DNAAF9: variants seen among roughly 807,000 people sequenced by gnomAD.
DNAAF9 encodes dynein axonemal assembly factor 9.
DNAAF9 carries 90 observed loss-of-function variants against 167.0 expected under a neutral mutation model. That is an observed-to-expected ratio of 0.54 (90% CI 0.45 to 0.64). The LOEUF is 0.64. DNAAF9 is among the 30% of genes least tolerant of loss of function. The pLI, the probability that DNAAF9 is intolerant of heterozygous loss-of-function variation, is 0.00. For missense variants in DNAAF9, 1,315 were observed against 1,442.2 expected (o/e 0.91, Z 1.43); for synonymous variants, 491 against 508.8 (o/e 0.96, Z 0.47).
chr20:3,335,052 T>A lies in DNAAF9; in HGVS notation c.982-2691A>T, dbSNP rs117571718. On this transcript the variant is annotated intron_variant, in intron 10 of 36. Transcript: ENST00000252032. ...AGTGATACAGACCTGAGAGCAGAAA[T>A]TGCTTTTATAATACAATCTATAATG... Among the ~76,000 whole-genome samples the A allele has an allele frequency of 2.6e-3, 397 of 152,358 alleles. 4 individuals carry two copies. The highest frequency in any genetic ancestry group is 0.018 in the East Asian group (91 of 5,192).
chr20:3,280,216 C>A (rs2122855527), intron 28 of DNAAF9, among the ~76,000 whole-genome samples: 1 of 152,298 alleles, frequency 6.6e-6, no homozygotes, highest in Admixed American at 6.5e-5. Flanking sequence ...TCACTGACTT[C>A]ACTGTGCTCA....
chr20:3,387,884 T>TAAAAAAAGAAAAAAAAAAAAAA, intron 1 of DNAAF9, among the ~76,000 whole-genome samples: 1 of 87,362 alleles, frequency 1.1e-5, no homozygotes, highest in Non-Finnish European at 2.1e-5. Context: ...CTACAAAAAG[T>TAAAAAAAGAAAAAAAAAAAAAA]AAAAAAAAAA....
chr20:3,300,092 A>G (rs2069157249), intron 21 of DNAAF9, among the ~76,000 whole-genome samples: 1 of 152,032 alleles, frequency 6.6e-6, no homozygotes, highest in Non-Finnish European at 1.5e-5. Flanking sequence ...TAGTAGAAAC[A>G]GGGTTTCACC....
At chr20:3,273,608 G>A (rs1029905367) in intron 29 of DNAAF9, among the ~76,000 whole-genome samples, 1 of 151,710 alleles carries the variant, frequency 6.6e-6, no homozygotes, top group Non-Finnish European at 1.5e-5. Flanking sequence ...GAACTCAAGA[G>A]TAAGAACTCA....
At chr20:3,357,255 T>G (rs961203118) in intron 7 of DNAAF9, among the ~76,000 whole-genome samples, 2 of 152,158 alleles carry the variant, frequency 1.3e-5, no homozygotes, top group Non-Finnish European at 2.9e-5. Context: ...GCGGACCACT[T>G]AAGGTCAGGA....
intron 12 of DNAAF9, among the ~76,000 whole-genome samples, chr20:3,328,869 C>CTTTTT: frequency 7.3e-6 from 1 of 136,828 alleles, no homozygotes; most frequent in South Asian, 2.3e-4. Context: ...CACAATTTTC[C>CTTTTT]TTTTTTTTTT....
At chr20:3,303,197 G>A (rs546059516) in intron 21 of DNAAF9, among the ~76,000 whole-genome samples, 2 of 149,770 alleles carry the variant, frequency 1.3e-5, no homozygotes, top group East Asian at 2.0e-4. Context: ...AGTCGAGATC[G>A]CACCACTGCA....
intron 6 of DNAAF9, among the ~76,000 whole-genome samples, chr20:3,360,915 G>C (rs1260411912): frequency 6.6e-6 from 1 of 152,198 alleles, no homozygotes; most frequent in African/African-American, 2.4e-5. Flanking sequence ...GAGCTGGCAG[G>C]TCTGAGTAAC....
chr20:3,325,240 G>GA (rs1424204490), intron 13 of DNAAF9, among the ~76,000 whole-genome samples: 1 of 152,228 alleles, frequency 6.6e-6, no homozygotes, highest in African/African-American at 2.4e-5. Context: ...TGGATCCAGA[G>GA]AAGTGACCAG....
chr20:3,317,597 T>C lies in DNAAF9; in HGVS notation c.1468+692A>G, dbSNP rs1025764676. Among the ~76,000 whole-genome samples, 3 of 152,152 alleles carry C rather than the reference T, an allele frequency of 2.0e-5. No homozygotes were observed. The South Asian group carries it at 6.2e-4, about 32-fold the overall frequency. ...TAAAAAAATAATATCTAATTACTGTTTCAAATTGCTTTTTTTTGAGACAGA... is the reference window on the plus strand; with the variant it reads ...TAAAAAAATAATATCTAATTACTGTCTCAAATTGCTTTTTTTTGAGACAGA... On this transcript the variant is annotated intron_variant, in intron 17 of 36. Transcript: ENST00000252032.
In DNAAF9 at chr20:3,252,320, C is replaced by T. The variant is rs566754557; in HGVS notation, c.*252G>A. The T allele has an allele frequency of 2.6e-4, 94 of 357,142 alleles. No individual in the cohort carries two copies. Among genetic ancestry groups the T allele is most frequent in the Non-Finnish European group, 4.5e-4 (87 of 193,362 alleles). 22.1% of individuals were successfully genotyped at this position (357,142 alleles called of 1,614,324 possible). On this transcript the variant is annotated 3_prime_UTR_variant, in exon 37 of 37. Coordinates refer to ENST00000252032, the MANE Select transcript of DNAAF9 (RefSeq NM_001009984.3). ...CCCAGAGCTCCTGGACTGCCAGTTG[C>T]ACACGTAGACGGGCAGGCCCCATCT...
Position 3,332,308 on chromosome 20 carries a change from A to T in DNAAF9, c.1035T>A (p.Phe345Leu). 1 of 1,605,342 alleles carries T rather than the reference A, an allele frequency of 6.2e-7. No individual in the cohort carries two copies. The highest frequency in any genetic ancestry group is 8.5e-7 in the Non-Finnish European group (1 of 1,172,140). ...AGTAAGGAACATGAGTAGCTCCAAA[A>T]AAGTATGTTCTCGAACAAGCAAGAG... Reference protein sequence around the residue: ...KGPLACSRTYFFGATHVPYLG... With the variant: ...KGPLACSRTYLFGATHVPYLG... The change falls in exon 11 of 37, where the codon TTT becomes TTA. Residue 345 changes from phenylalanine (F) to leucine (L), a missense_variant. Around this residue, in one of 2 missense-constraint regions of DNAAF9, gnomAD observed 981 missense variants for 1,012.5 expected, o/e 0.97. Transcript: ENST00000252032.
intron 1 of DNAAF9, among the ~76,000 whole-genome samples, chr20:3,405,047 C>T (rs1382120158): frequency 2.0e-5 from 3 of 152,154 alleles, no homozygotes; most frequent in African/African-American, 4.8e-5. Flanking sequence ...GAAATTTGTA[C>T]CATGAAAGGC....
At chr20:3,360,441 C>T (rs2083346167) in intron 6 of DNAAF9, among the ~76,000 whole-genome samples, 1 of 152,130 alleles carries the variant, frequency 6.6e-6, no homozygotes, top group African/African-American at 2.4e-5. Context: ...ACATACATAT[C>T]CTAACATCAT....
At chr20:3,377,851 C>G (rs1270276464) in intron 3 of DNAAF9, among the ~76,000 whole-genome samples, 2 of 152,190 alleles carry the variant, frequency 1.3e-5, no homozygotes, top group African/African-American at 4.8e-5. Flanking sequence ...CACTTCCTAT[C>G]CTGGCTTGAA....
chr20:3,400,453 T>C (rs1166126395), intron 1 of DNAAF9, among the ~76,000 whole-genome samples: 5 of 144,600 alleles, frequency 3.5e-5, no homozygotes, highest in African/African-American at 1.1e-4. Context: ...GGAAGCTGCG[T>C]GAAGAGTATA....
chr20:3,264,989 C>T (rs1222224104), intron 30 of DNAAF9, among the ~76,000 whole-genome samples: 1 of 152,160 alleles, frequency 6.6e-6, no homozygotes, highest in African/African-American at 2.4e-5. Flanking sequence ...TATTTTACCC[C>T]TAAATACTTC....
chr20:3,260,696 C>A (rs1183652359), intron 31 of DNAAF9, among the ~76,000 whole-genome samples: 1 of 152,046 alleles, frequency 6.6e-6, no homozygotes, highest in African/African-American at 2.4e-5. Flanking sequence ...GTGGTGCGAT[C>A]TTGGCTCCCT....
intron 31 of DNAAF9, among the ~76,000 whole-genome samples, chr20:3,263,452 T>C (rs6051692): frequency 0.2 from 29,885 of 152,130 alleles, 3,193 homozygotes; most frequent in African/African-American, 0.25. Context: ...AGAAACAAAT[T>C]GTCCATGCTA....
Sources: gnomAD v4.1 joint callset for allele counts (sites outside exome capture counted in the v4.1 genomes callset) on GRCh38, gnomAD v4.1.1 for gene constraint, gnomAD v4.1.1 regional missense constraint, MANE v1.5 for transcripts, NCBI Gene and HGNC (gene_info 2026-07-23, HGNC 2026-07-21) for gene names.